Variants in CHST11 observed in about 807,000 individuals in gnomAD.
CHST11 encodes the protein carbohydrate sulfotransferase 11, also known as C4S-1.
CHST11 carries 9 observed loss-of-function variants against 30.4 expected under a neutral mutation model. The observed-to-expected ratio is 0.30, with a 90% CI of 0.18 to 0.52. The LOEUF (loss-of-function observed/expected upper bound fraction) is 0.52, where lower values mean the gene tolerates loss of function less well. CHST11 is among the 20% of genes least tolerant of loss of function. The pLI, the probability that CHST11 is intolerant of heterozygous loss-of-function variation, is 0.97. For synonymous variants in CHST11, 152 were observed against 187.8 expected, an observed-to-expected ratio of 0.81 and a Z score of 1.56; for missense variants, 348 against 460.6, an observed-to-expected ratio of 0.76 and a Z score of 2.24.
intron 1 of CHST11, among the ~76,000 whole-genome samples, chr12:104,575,067 C>T (rs983649576): frequency 3.9e-5 from 6 of 151,992 alleles, no homozygotes; most frequent in African/African-American, 1.4e-4. Context: ...GTGGCATGCA[C>T]CTGCAATTCC....
At chr12:104,493,789 A>G (rs1184311877) in intron 1 of CHST11, among the ~76,000 whole-genome samples, 1 of 152,176 alleles carries the variant, frequency 6.6e-6, no homozygotes, top group Non-Finnish European at 1.5e-5. Context: ...AGTGGGTGTG[A>G]TGCTGCCTGT....
intron 2 of CHST11, among the ~76,000 whole-genome samples, chr12:104,743,521 C>T (rs1235717406): frequency 6.6e-6 from 1 of 152,150 alleles, no homozygotes; most frequent in African/African-American, 2.4e-5. Flanking sequence ...AGGGATGGTT[C>T]GGCTCACACC....
chr12:104,459,151 C>T (rs906410745), intron 1 of CHST11, among the ~76,000 whole-genome samples: 2 of 152,204 alleles, frequency 1.3e-5, no homozygotes, highest in African/African-American at 4.8e-5. Flanking sequence ...CGGTGTTTGT[C>T]TCCTCACCCA....
intron 2 of CHST11, among the ~76,000 whole-genome samples, chr12:104,721,826 G>A (rs1212943810): frequency 6.6e-6 from 1 of 152,160 alleles, no homozygotes; most frequent in African/African-American, 2.4e-5. Context: ...CATGGCTCAG[G>A]CGATTCCCCC....
chr12:104,490,509 C>T (rs1034090591), intron 1 of CHST11, among the ~76,000 whole-genome samples: 2 of 152,234 alleles, frequency 1.3e-5, no homozygotes, highest in Admixed American at 6.5e-5. Context: ...CAGAAAACTT[C>T]ACCATATCAG....
chr12:104,756,922 C>T, intron 2 of CHST11, 27 bp from the exon 3 acceptor site: 1 of 1,593,526 alleles, frequency 6.3e-7, no homozygotes, highest in South Asian at 1.1e-5. Context: ...GTACTGAGTT[C>T]TTATTCGTCT....
chr12:104,680,318 T>C (rs912124919), intron 2 of CHST11, among the ~76,000 whole-genome samples: 1 of 152,180 alleles, frequency 6.6e-6, no homozygotes, highest in African/African-American at 2.4e-5. Flanking sequence ...CTCAGGGACA[T>C]ACTGAGGCAG....
rs703658 is a variant in CHST11, at chr12:104,655,285, G to A, written c.204+53294G>A. 3.3e-5 allele frequency among the ~76,000 whole-genome samples: 5 copies of A among 152,292 alleles called. No homozygotes were observed. In the South Asian group the frequency reaches 6.2e-4, roughly 19 times the overall value. On this transcript the variant is annotated intron_variant, in intron 2 of 2. Transcript: ENST00000303694. Reference sequence around the variant, plus strand: ...CCCCTGACCTTCGCGCCGGAGGCGCGGGCAGGTATTTTCCACTTCACAGCA... The same window carrying A: ...CCCCTGACCTTCGCGCCGGAGGCGCAGGCAGGTATTTTCCACTTCACAGCA...
chr12:104,463,092 C>T (rs1030590858), intron 1 of CHST11, among the ~76,000 whole-genome samples: 5 of 152,154 alleles, frequency 3.3e-5, no homozygotes, highest in African/African-American at 9.7e-5. Flanking sequence ...TTTATCAGCA[C>T]AGTCATTTCA....
intron 1 of CHST11, among the ~76,000 whole-genome samples, chr12:104,542,816 A>G (rs1182944835): frequency 6.6e-6 from 1 of 152,228 alleles, no homozygotes; most frequent in African/African-American, 2.4e-5. Context: ...GTGGCAGTGA[A>G]GGTGGTAAAG....
At chr12:104,755,029 G>A (rs1389821509) in intron 2 of CHST11, among the ~76,000 whole-genome samples, 2 of 152,204 alleles carry the variant, frequency 1.3e-5, no homozygotes, top group Admixed American at 1.3e-4. Context: ...TGGACATGGA[G>A]CTTAATGCAG....
At chr12:104,634,626 A>G (rs1368826178) in intron 2 of CHST11, among the ~76,000 whole-genome samples, 1 of 152,076 alleles carries the variant, frequency 6.6e-6, no homozygotes, top group African/African-American at 2.4e-5. Context: ...ATTTTACTTT[A>G]TGTCAAATAT....
chr12:104,743,026 C>G (rs898161177), intron 2 of CHST11, among the ~76,000 whole-genome samples: 2 of 152,346 alleles, frequency 1.3e-5, no homozygotes, highest in South Asian at 4.1e-4. Context: ...AGGAAGCCCA[C>G]GAGGCCTCAT....
chr12:104,459,362 A>G (rs1346242850), intron 1 of CHST11, among the ~76,000 whole-genome samples: 2 of 152,072 alleles, frequency 1.3e-5, no homozygotes. Context: ...TCGGGTTCAA[A>G]CAGTTTAAAC....
intron 1 of CHST11, chr12:104,553,086 C>T (rs2038420319): frequency 6.6e-6 from 1 of 152,218 alleles, no homozygotes; most frequent in African/African-American, 2.4e-5. Flanking sequence ...TCAGTTTTCT[C>T]ATTAAAATGA....
Position 104,458,993 on chromosome 12 carries a change from C to T in CHST11, c.118+1464C>T, listed in dbSNP as rs1472292207. Among the ~76,000 whole-genome samples, 1 of 152,216 alleles carries T rather than the reference C, an allele frequency of 6.6e-6. No individual in the cohort carries two copies. Among genetic ancestry groups the T allele is most frequent in the Non-Finnish European group, 1.5e-5 (1 of 68,042 alleles). On this transcript the variant is annotated intron_variant, in intron 1 of 2. Coordinates refer to ENST00000303694, the MANE Select transcript of CHST11 (RefSeq NM_018413.6). The surrounding 1 kb of genome is among the most constrained non-coding windows in gnomAD (Gnocchi z 5.7). ...GGACAGACGGCCCCTTTGCCCCACT[C>T]GGTCTGGAGCAGTTGTTAAGGCAGC...
intron 1 of CHST11, among the ~76,000 whole-genome samples, chr12:104,516,992 ACTTCTTATGTGCT>A (rs1304886396): frequency 1.3e-5 from 2 of 152,082 alleles, no homozygotes; most frequent in Non-Finnish European, 2.9e-5. Flanking sequence ...TTTACTGAGC[ACTTCTTATGTGCT>A]CTAAGCTCTC....
intron 1 of CHST11, 54 bp downstream of exon 1, chr12:104,457,583 T>A: frequency 7.9e-7 from 1 of 1,272,900 alleles, no homozygotes; most frequent in Non-Finnish European, 1.1e-6. Flanking sequence ...TCTCGCGCTC[T>A]AGCTCGCTCC....
chr12:104,634,035 G>A (rs1363252924), intron 2 of CHST11, among the ~76,000 whole-genome samples: 1 of 152,100 alleles, frequency 6.6e-6, no homozygotes, highest in Non-Finnish European at 1.5e-5. Context: ...TATTTTTTCA[G>A]TACTTACTAT....
Sources: gnomAD v4.1 joint callset for allele counts (sites outside exome capture counted in the v4.1 genomes callset) on GRCh38, gnomAD v4.1.1 for gene constraint, Gnocchi (gnomAD v3.1) non-coding constraint, MANE v1.5 for transcripts, NCBI Gene and HGNC (gene_info 2026-07-23, HGNC 2026-07-21) for gene names.